The following ELMO2 variants were observed in gnomAD, a reference collection of about 807,000 sequenced individuals.
ELMO2 encodes the protein engulfment and cell motility 2.
In ELMO2, 37 loss-of-function variants were observed where a neutral mutation model predicts 96.2. The ratio of observed to expected loss-of-function variants is 0.38; its 90% CI spans 0.30 to 0.51. ELMO2 has a LOEUF of 0.51. ELMO2 is among the 20% of genes least tolerant of loss of function. The probability of loss-of-function intolerance (pLI) is 0.88; values close to 1 mark genes in which losing one functional copy is unlikely to be tolerated. For missense variants in ELMO2, 561 were observed against 912.6 expected (o/e 0.61, Z 4.96); for synonymous variants, 315 against 329.4 (o/e 0.96, Z 0.47).
At chr20:46,392,997 C>G (rs2060178206) in intron 6 of ELMO2, 96 bp downstream of exon 6, 6 of 1,099,078 alleles carry the variant, frequency 5.5e-6, no homozygotes, top group Non-Finnish European at 8.2e-6. Context: ...TTTCTTATCT[C>G]CAGAGTACTT....
intron 5 of ELMO2, 126 bp from the exon 6 acceptor site, chr20:46,393,269 C>T: frequency 1.0e-6 from 1 of 984,082 alleles, no homozygotes; most frequent in Admixed American, 2.0e-5. Flanking sequence ...TTCAGTCGGG[C>T]CCTCTTCTCC....
At chr20:46,379,915 A>C (rs1568761423) in intron 11 of ELMO2, 2 of 199,072 alleles carry the variant, frequency 1.0e-5, no homozygotes, top group South Asian at 2.1e-4. Flanking sequence ...TCAGATTTTT[A>C]ATCAGTGTCA....
chr20:46,384,801 TAA>T (rs563510371), intron 9 of ELMO2, among the ~76,000 whole-genome samples: 3 of 114,318 alleles, frequency 2.6e-5, no homozygotes, highest in African/African-American at 3.2e-5. Context: ...TCTACAAAAA[TAA>T]AAAAAAAAAA....
chr20:46,394,781 C>T (rs906438342), intron 2 of ELMO2, among the ~76,000 whole-genome samples: 12 of 152,198 alleles, frequency 7.9e-5, no homozygotes, highest in African/African-American at 2.9e-4. Context: ...GCCAATGTGG[C>T]ACTTCAGTTT....
In ELMO2 at chr20:46,371,392, G is replaced by T. The variant is rs533065163; in HGVS notation, c.1761C>A (p.Asn587Lys). The change falls in exon 19 of 22, where the codon AAC becomes AAA. Residue 587 changes from asparagine (N) to lysine (K), a missense_variant. Asn to Lys is a moderately conservative substitution (Grantham distance 94, BLOSUM62 0). Transcript: ENST00000290246. The surrounding 1 kb of genome is among the most constrained non-coding windows in gnomAD (Gnocchi z 5.9). ...ATTCAAATGTCACCTCCCCTTGTGG[G>T]TTGTCATCCAAGTCACCATAGTGAA... ...KVLHYGDLDD[N>K]PQGEVTFESL... The T allele has an allele frequency of 2.0e-5, 32 of 1,614,242 alleles. No homozygotes were observed. In the South Asian group the frequency reaches 3.5e-4, roughly 18 times the overall value.
rs1220368527 is a variant in ELMO2, at chr20:46,376,638, C to T, written c.808-848G>A. 9 of 1,289,458 alleles carry T rather than the reference C, an allele frequency of 7.0e-6. No homozygotes were observed. In the African/African-American group the frequency reaches 1.1e-4, roughly 15 times the overall value. 79.9% of individuals were successfully genotyped at this position (1,289,458 alleles called of 1,614,324 possible). A position where few individuals can be genotyped will look rare whatever the true frequency, so the allele number is the denominator to read the frequency against. On this transcript the variant is annotated intron_variant, in intron 11 of 21. Coordinates refer to ENST00000290246, the MANE Select transcript of ELMO2 (RefSeq NM_133171.5). Reference sequence around the variant, plus strand: ...TTCCTGTCTCTCACCATCCTGTCCTCACTCCCACAATATCCTGCTTCCCTT... The same window carrying T: ...TTCCTGTCTCTCACCATCCTGTCCTTACTCCCACAATATCCTGCTTCCCTT...
rs2060325186 is a variant in ELMO2 at position 46,400,921 on chromosome 20, A to T, written c.-125-2150T>A. ...TTCTGAGAGCAGGATTGGAAACCGA[A>T]TCTTAAGGAATGAAGTGAAAGATGA... On this transcript the variant is annotated intron_variant, in intron 1 of 21. Transcript: ENST00000290246. Among the ~76,000 whole-genome samples, 5 of 152,326 alleles carry T rather than the reference A, an allele frequency of 3.3e-5. No homozygotes were observed. In the South Asian group the frequency reaches 1.0e-3, roughly 32 times the overall value.
rs1446498927 is a variant in ELMO2, at chr20:46,367,272, A to G, written c.*88T>C. The stretch of plus-strand genomic sequence containing the variant: ...CCACCAAAATCACTACAGATTCTGT[A>G]CAAGCAAAAGACAAGGCACCAGAAT... On this transcript the variant is annotated 3_prime_UTR_variant, in exon 22 of 22. Coordinates refer to ENST00000290246, the MANE Select transcript of ELMO2 (RefSeq NM_133171.5). 7.8e-7 allele frequency: 1 copy of G among 1,274,672 alleles called. No individual in the cohort carries two copies. The highest frequency in any genetic ancestry group is 1.5e-5 in the African/African-American group (1 of 64,978). The allele number at this position is 1,274,672 out of a possible 1,614,324, so 79.0% of individuals were successfully genotyped here.
Position 46,371,590 on chromosome 20 carries a change from C to T in ELMO2, c.1682G>A (p.Arg561His), listed in dbSNP as rs750919846. The change falls in exon 18 of 22, where the codon CGC becomes CAC. Residue 561 changes from arginine to histidine, a missense_variant. Physicochemically the swap from Arg to His is conservative, Grantham distance 29. Transcript: ENST00000290246. The surrounding 1 kb of genome is among the most constrained non-coding windows in gnomAD (Gnocchi z 5.9). ...CCGTCTCCTCTCACCTTGCCTTCGG[C>T]GGTTCCCAATCTTTCGGAAGCTGCT... ...EGSSFRKIGN[R>H]RRQERFWYCR... 3.7e-6 allele frequency: 6 copies of T among 1,602,532 alleles called. No individual in the cohort carries two copies. The highest frequency in any genetic ancestry group is 5.1e-6 in the Non-Finnish European group (6 of 1,174,864).
At chr20:46,382,363 C>T (rs2059972584) in intron 10 of ELMO2, 29 of 860,752 alleles carry the variant, frequency 3.4e-5, no homozygotes, top group Non-Finnish European at 4.7e-5. Flanking sequence ...CAAGGACAGA[C>T]AGAACCACAG....
At chr20:46,367,935 C>T (rs1435050403) in intron 21 of ELMO2, among the ~76,000 whole-genome samples, 8 of 152,150 alleles carry the variant, frequency 5.3e-5, no homozygotes, top group African/African-American at 1.9e-4. Context: ...ACAGAAGTCA[C>T]TGTGGGATCT....
intron 21 of ELMO2, among the ~76,000 whole-genome samples, chr20:46,367,965 C>A (rs994744048): frequency 6.6e-6 from 1 of 151,930 alleles, no homozygotes; most frequent in African/African-American, 2.4e-5. Context: ...GCCCCGCCCC[C>A]CCGAAAACAA....
At chr20:46,380,076 A>G in intron 11 of ELMO2, 177 bp downstream of exon 11, 1 of 545,402 alleles carries the variant, frequency 1.8e-6, no homozygotes, top group Non-Finnish European at 3.2e-6. Context: ...CCTAGAGGCA[A>G]CTCTGCTCAC....
intron 6 of ELMO2, 38 bp from the exon 7 acceptor site, chr20:46,389,258 T>G: frequency 1.3e-6 from 2 of 1,592,576 alleles, no homozygotes; most frequent in Non-Finnish European, 1.7e-6. Context: ...CATCTGCTCC[T>G]TGGAGCAGGT....
intron 2 of ELMO2, among the ~76,000 whole-genome samples, chr20:46,396,541 C>T (rs1235142223): frequency 1.3e-5 from 2 of 152,208 alleles, no homozygotes; most frequent in African/African-American, 4.8e-5. Flanking sequence ...GTCAATCCTT[C>T]CAGTCCTTTA....
intron 6 of ELMO2, among the ~76,000 whole-genome samples, chr20:46,390,322 C>G (rs1356545750): frequency 6.6e-6 from 1 of 152,196 alleles, no homozygotes; most frequent in African/African-American, 2.4e-5. Flanking sequence ...AGAATTTAAT[C>G]TGATGTCCTC....
chr20:46,387,282 G>C (rs1295152497), intron 8 of ELMO2, 56 bp downstream of exon 8: 1 of 1,487,520 alleles, frequency 6.7e-7, no homozygotes, highest in East Asian at 2.3e-5. Context: ...CTCCCCTTAA[G>C]CCTTGTGAAC....
intron 10 of ELMO2, 70 bp from the exon 11 acceptor site, chr20:46,380,373 G>T: frequency 7.7e-7 from 1 of 1,298,844 alleles, no homozygotes; most frequent in South Asian, 1.3e-5. Flanking sequence ...TCGAGAGGAA[G>T]GTGATGTCAA....
rs966986615 is a variant in ELMO2, at chr20:46,366,655, G to A, written c.*705C>T. 2.0e-5 allele frequency: 3 copies of A among 152,352 alleles called. No individual in the cohort carries two copies. Among genetic ancestry groups the A allele is most frequent in the Non-Finnish European group, 4.4e-5 (3 of 68,090 alleles). The allele number at this position is 152,352 out of a possible 1,614,324, so 9.4% of individuals were successfully genotyped here. ...AGGCCTCAGCTGGGTTTTCCCTGCA[G>A]CGTTCCTGGAGACTTAAGAGGGCAG... On this transcript the variant is annotated 3_prime_UTR_variant, in exon 22 of 22. Transcript: ENST00000290246.
Sources: gnomAD v4.1 joint callset for allele counts (sites outside exome capture counted in the v4.1 genomes callset) on GRCh38, gnomAD v4.1.1 for gene constraint, Gnocchi (gnomAD v3.1) non-coding constraint, MANE v1.5 for transcripts, NCBI Gene and HGNC (gene_info 2026-07-23, HGNC 2026-07-21) for gene names.